The following GAB2 variants were observed in gnomAD, a reference collection of about 807,000 sequenced individuals.
GAB2 encodes GRB2-associated-binding protein 2.
In GAB2, 26 loss-of-function variants were observed where a neutral mutation model predicts 65.5. The ratio of observed to expected loss-of-function variants is 0.40; its 90% CI spans 0.29 to 0.55. The LOEUF (loss-of-function observed/expected upper bound fraction) is 0.55, where lower values mean the gene tolerates loss of function less well. Among genes scored for constraint, GAB2 ranks in the 20% least tolerant of loss-of-function variants. The pLI is 0.53. For synonymous variants in GAB2, 321 were observed against 329.6 expected, an observed-to-expected ratio of 0.97 and a Z score of 0.28; for missense variants, 884 against 875.8, an observed-to-expected ratio of 1.01 and a Z score of -0.12.
chr11:78,404,973 C>A (rs1051175045), intron 1 of GAB2, among the ~76,000 whole-genome samples: 4 of 151,680 alleles, frequency 2.6e-5, no homozygotes, highest in African/African-American at 9.7e-5. Flanking sequence ...ACATTATATG[C>A]TTGTATCAAA....
intron 1 of GAB2, among the ~76,000 whole-genome samples, chr11:78,351,609 T>C (rs1442987056): frequency 6.6e-6 from 1 of 152,212 alleles, no homozygotes; most frequent in African/African-American, 2.4e-5. Context: ...CAGTGCTTCA[T>C]TTACCATTTC....
chr11:78,258,238 G>A (rs1267359850), intron 2 of GAB2, among the ~76,000 whole-genome samples: 1 of 152,208 alleles, frequency 6.6e-6, no homozygotes, highest in African/African-American at 2.4e-5. Flanking sequence ...AGGATCCACT[G>A]GTTTGGTTTT....
intron 1 of GAB2, among the ~76,000 whole-genome samples, chr11:78,337,744 A>T (rs1399254327): frequency 1.3e-5 from 2 of 152,226 alleles, no homozygotes; most frequent in Non-Finnish European, 2.9e-5. Context: ...CGTAAGACAC[A>T]TTCTGTGTAG....
intron 2 of GAB2, among the ~76,000 whole-genome samples, chr11:78,256,277 T>C (rs1865593714): frequency 1.3e-5 from 2 of 152,234 alleles, no homozygotes; most frequent in Non-Finnish European, 2.9e-5. Flanking sequence ...TTCAAAATAT[T>C]ACGCTAAGTG....
Position 78,280,729 on chromosome 11 carries a change from C to T in GAB2, c.248G>A (p.Ser83Asn). 1 of 1,614,190 alleles carries T rather than the reference C, an allele frequency of 6.2e-7. No individual in the cohort carries two copies. Among genetic ancestry groups the T allele is most frequent in the Non-Finnish European group, 8.5e-7 (1 of 1,180,028 alleles). ...LTFNKKELQDSFVFDIKTSER... is the reference protein window; with the variant it reads ...LTFNKKELQDNFVFDIKTSER... ...ACTGGTCTTGATGTCAAACACAAAACTATCCTGCAGCTCCTTCTTGTTAAA... is the reference window on the plus strand; with the variant it reads ...ACTGGTCTTGATGTCAAACACAAAATTATCCTGCAGCTCCTTCTTGTTAAA... Residue 83 changes from serine (S) to asparagine (N), a missense_variant, in exon 2 of 10, where the codon AGT (serine) becomes AAT (asparagine). By Grantham distance (46) the Ser-to-Asn change is conservative. Transcript: ENST00000361507.
rs115541888 is a variant in GAB2, at chr11:78,296,785, C to A, written c.76-15884G>T. Among the ~76,000 whole-genome samples, 612 of 152,290 alleles carry A rather than the reference C, an allele frequency of 4.0e-3. 4 individuals are homozygous for A. The highest frequency in any genetic ancestry group is 0.014 in the African/African-American group (565 of 41,548). On this transcript the variant is annotated intron_variant, in intron 1 of 9. Transcript: ENST00000361507. ...CTGTTCAGGCTGGTAAAACAAAATA[C>A]CTCAGACTGTTATTTATAAACATGA...
intron 1 of GAB2, among the ~76,000 whole-genome samples, chr11:78,383,186 C>T (rs1276166831): frequency 4.6e-5 from 7 of 152,070 alleles, no homozygotes; most frequent in Admixed American, 2.0e-4. Context: ...GCAGAAGAAT[C>T]GCTTGAACCT....
At chr11:78,270,006 T>C (rs1865970853) in intron 2 of GAB2, among the ~76,000 whole-genome samples, 1 of 152,184 alleles carries the variant, frequency 6.6e-6, no homozygotes, top group Non-Finnish European at 1.5e-5. Flanking sequence ...AGCTTGTAGG[T>C]TCCTCTAAGA....
intron 1 of GAB2, among the ~76,000 whole-genome samples, chr11:78,370,081 C>A (rs954825500): frequency 6.6e-6 from 1 of 151,450 alleles, no homozygotes; most frequent in East Asian, 1.9e-4. Flanking sequence ...AACGGTGAAA[C>A]CCCGTCTCTA....
At chr11:78,366,247 G>A (rs779808479) in intron 1 of GAB2, among the ~76,000 whole-genome samples, 2 of 152,192 alleles carry the variant, frequency 1.3e-5, no homozygotes, top group Non-Finnish European at 2.9e-5. Context: ...GGAAATCACA[G>A]TCCAGTGTAG....
At chr11:78,371,456 A>G (rs893972845) in intron 1 of GAB2, among the ~76,000 whole-genome samples, 1 of 152,198 alleles carries the variant, frequency 6.6e-6, no homozygotes, top group Non-Finnish European at 1.5e-5. Flanking sequence ...TGGCAGACAT[A>G]GTGCTGCCTC....
At chr11:78,265,224 A>ATAT (rs1565132880) in intron 2 of GAB2, among the ~76,000 whole-genome samples, 1 of 149,156 alleles carries the variant, frequency 6.7e-6, no homozygotes, top group African/African-American at 2.5e-5. Flanking sequence ...ATATATATAT[A>ATAT]AAAGCACTCT....
intron 3 of GAB2, among the ~76,000 whole-genome samples, chr11:78,248,214 A>T (rs753262400): frequency 2.0e-4 from 30 of 152,178 alleles, no homozygotes; most frequent in Non-Finnish European, 3.1e-4. Context: ...AGGAAGATTA[A>T]TAGGGATTTC....
chr11:78,407,283 C>T (rs1857056930), intron 1 of GAB2, among the ~76,000 whole-genome samples: 1 of 151,952 alleles, frequency 6.6e-6, no homozygotes, highest in Admixed American at 6.6e-5. Context: ...CACACCAAGA[C>T]ACATAGCAAA....
chr11:78,220,966 G>C (rs1310061717), intron 8 of GAB2, among the ~76,000 whole-genome samples: 1 of 152,182 alleles, frequency 6.6e-6, no homozygotes, highest in African/African-American at 2.4e-5. Flanking sequence ...CCCCAAAGCA[G>C]CTTGCTCCCC....
At chr11:78,317,737 A>G (rs896981134) in intron 1 of GAB2, among the ~76,000 whole-genome samples, 1 of 152,116 alleles carries the variant, frequency 6.6e-6, no homozygotes, top group African/African-American at 2.4e-5. Flanking sequence ...CTTTTGTTTC[A>G]AGGTTCTTTT....
intron 2 of GAB2, among the ~76,000 whole-genome samples, chr11:78,268,352 A>G (rs1346108083): frequency 1.3e-5 from 2 of 152,184 alleles, no homozygotes; most frequent in Admixed American, 1.3e-4. Context: ...CTGATTTTGT[A>G]GAGTTCTGAA....
intron 1 of GAB2, among the ~76,000 whole-genome samples, chr11:78,339,337 T>A (rs1856055324): frequency 6.6e-6 from 1 of 152,212 alleles, no homozygotes; most frequent in Non-Finnish European, 1.5e-5. Flanking sequence ...CCTGTTCTCT[T>A]TTCTTTTTTT....
intron 1 of GAB2, among the ~76,000 whole-genome samples, chr11:78,371,868 C>A (rs1856575541): frequency 6.6e-6 from 1 of 152,178 alleles, no homozygotes; most frequent in Admixed American, 6.5e-5. Flanking sequence ...CATTTACATT[C>A]CAATCCCAGT....
Sources: allele counts gnomAD v4.1 joint callset (sites outside exome capture counted in the v4.1 genomes callset), GRCh38; gene constraint gnomAD v4.1.1; transcripts MANE v1.5; gene names NCBI Gene and HGNC (gene_info 2026-07-23, HGNC 2026-07-21).